BRD4: variants seen among roughly 807,000 people sequenced by gnomAD.
BRD4 encodes bromodomain-containing protein 4.
Under a neutral mutation model 142.1 loss-of-function variants are expected in BRD4, and 16 were observed. The ratio of observed to expected loss-of-function variants is 0.11; its 90% CI spans 0.08 to 0.17. BRD4 has a LOEUF of 0.17. Ranked by LOEUF, BRD4 falls within the 10% of genes least tolerant of loss-of-function variation. The pLI is 1.00. For missense variants in BRD4, 1,424 were observed against 1,810.9 expected (o/e 0.79, Z 3.88); for synonymous variants, 833 against 707.5 (o/e 1.18, Z -2.82).
chr19:15,267,345 C>G lies in BRD4; in HGVS notation c.559+71G>C. On this transcript the variant is annotated intron_variant, in intron 4 of 19. Transcript: ENST00000679869. ...GTCACATCCTCCTGCCACTCCCAGCCCCCCACCAAACTTGGAAAAGGGACA... is the reference window on the plus strand; with the variant it reads ...GTCACATCCTCCTGCCACTCCCAGCGCCCCACCAAACTTGGAAAAGGGACA... 3.2e-6 allele frequency: 5 copies of G among 1,570,184 alleles called. No individual in the cohort carries two copies. The South Asian group carries it at 5.8e-5, about 18-fold the overall frequency.
intron 1 of BRD4, among the ~76,000 whole-genome samples, chr19:15,303,734 T>C (rs367788916): frequency 1.8e-4 from 28 of 152,202 alleles, no homozygotes; most frequent in African/African-American, 6.8e-4. Flanking sequence ...GGGCACTGAA[T>C]ACAGAACCTA....
intron 11 of BRD4, chr19:15,249,070 G>T: frequency 1.4e-6 from 1 of 706,320 alleles, no homozygotes; most frequent in Non-Finnish European, 2.3e-6. Flanking sequence ...CTGGGCGGCT[G>T]GCCAGGCAGG....
At chr19:15,332,126 G>A (rs1386678127) in intron 1 of BRD4, among the ~76,000 whole-genome samples, 164 bp downstream of exon 1, 3 of 146,346 alleles carry the variant, frequency 2.0e-5, no homozygotes, top group African/African-American at 7.4e-5. Context: ...GAGGCCCGCA[G>A]GCCCGAGCCC....
rs2145499327 is a variant in BRD4, at chr19:15,239,033, C to A, written c.3782+26G>T. Reference sequence around the variant, plus strand: ...GGACTGGTGTGGCCCCAAGAGTCCCCATGCCCCACCCAGACACCCGCCCAC... The same window carrying A: ...GGACTGGTGTGGCCCCAAGAGTCCCAATGCCCCACCCAGACACCCGCCCAC... On this transcript the variant is annotated intron_variant, in intron 18 of 19. Coordinates refer to ENST00000679869, the MANE Select transcript of BRD4 (RefSeq NM_001379291.1). The surrounding 1 kb of genome is among the most constrained non-coding windows in gnomAD (Gnocchi z 7.4). The A allele has an allele frequency of 6.3e-7, 1 of 1,580,756 alleles. No homozygotes were observed. Among genetic ancestry groups the A allele is most frequent in the South Asian group, 1.1e-5 (1 of 88,358 alleles).
At chr19:15,250,535 A>G (rs1194420777) in intron 11 of BRD4, among the ~76,000 whole-genome samples, 1 of 152,232 alleles carries the variant, frequency 6.6e-6, no homozygotes, top group Non-Finnish European at 1.5e-5. Flanking sequence ...CACATGCTCC[A>G]ATCCTGGGAA....
At chr19:15,242,773 T>TC in intron 14 of BRD4, 127 bp downstream of exon 14, 2 of 1,435,454 alleles carry the variant, frequency 1.4e-6, no homozygotes, top group Non-Finnish European at 1.9e-6. Flanking sequence ...CAGGTCCCCC[T>TC]CCAAGCTGAG....
chr19:15,305,121 C>A (rs1019053803), intron 1 of BRD4, among the ~76,000 whole-genome samples: 1 of 150,456 alleles, frequency 6.6e-6, no homozygotes, highest in Admixed American at 6.7e-5. Flanking sequence ...TGGGTTCAAG[C>A]GATTCTCCCG....
intron 1 of BRD4, among the ~76,000 whole-genome samples, chr19:15,317,016 C>T (rs970673188): frequency 3.9e-5 from 6 of 152,208 alleles, no homozygotes; most frequent in Non-Finnish European, 8.8e-5. Flanking sequence ...GTGCTCACTA[C>T]GTATCATCCA....
intron 1 of BRD4, among the ~76,000 whole-genome samples, chr19:15,283,108 G>A (rs2047716901): frequency 6.6e-6 from 1 of 152,230 alleles, no homozygotes; most frequent in South Asian, 2.1e-4. Flanking sequence ...CTGGCAGTGA[G>A]CTGGGCACTT....
intron 1 of BRD4, among the ~76,000 whole-genome samples, chr19:15,301,279 G>A (rs1429678401): frequency 6.6e-6 from 1 of 152,190 alleles, no homozygotes; most frequent in African/African-American, 2.4e-5. Flanking sequence ...TCGTTGCTGA[G>A]GAGCCGGACA....
At chr19:15,314,421 G>A (rs1168623535) in intron 1 of BRD4, among the ~76,000 whole-genome samples, 2 of 152,132 alleles carry the variant, frequency 1.3e-5, no homozygotes, top group African/African-American at 4.8e-5. Context: ...CCAGATTAAA[G>A]CAAATTCACT....
chr19:15,290,004 G>A (rs1224398387), intron 1 of BRD4, among the ~76,000 whole-genome samples: 1 of 152,206 alleles, frequency 6.6e-6, no homozygotes, highest in South Asian at 2.1e-4. Flanking sequence ...TCTTGGAGAG[G>A]TTTGGTTTCA....
In BRD4 at chr19:15,265,626, C is replaced by A. The variant is rs202093296; in HGVS notation, c.577G>T (p.Val193Phe). ...TGAGTTGTGTTTGGTACCGTGGAAA[C>A]GCCAGGTTTTGCTGTCCCTACAAAT... Reference protein sequence around the residue: ...RKETGTAKPGVSTVPNTTQAS... With the variant: ...RKETGTAKPGFSTVPNTTQAS... The change falls in exon 5 of 20, where the codon GTT becomes TTT. Residue 193 changes from valine (V) to phenylalanine (F), a missense_variant. By Grantham distance (50) the Val-to-Phe change is conservative. Transcript: ENST00000679869. 2.5e-6 allele frequency: 4 copies of A among 1,613,940 alleles called. No homozygotes were observed. The African/African-American group carries it at 4.0e-5, about 16-fold the overall frequency.
intron 1 of BRD4, among the ~76,000 whole-genome samples, chr19:15,322,923 G>A (rs2048076379): frequency 1.3e-5 from 2 of 150,402 alleles, no homozygotes; most frequent in South Asian, 2.1e-4. Context: ...GGTGGTGGGC[G>A]CCTGTAGTCC....
intron 14 of BRD4, 132 bp downstream of exon 14, chr19:15,242,768 C>A: frequency 7.2e-7 from 1 of 1,384,686 alleles, no homozygotes; most frequent in Non-Finnish European, 9.8e-7. Flanking sequence ...CCTTCCAGGT[C>A]CCCCTCCAAG....
chr19:15,284,441 CA>C (rs1182402074), intron 1 of BRD4, among the ~76,000 whole-genome samples: 1 of 152,168 alleles, frequency 6.6e-6, no homozygotes, highest in African/African-American at 2.4e-5. Flanking sequence ...GACAGTGTCT[CA>C]AGTGCTGGAT....
rs957053769 is a variant in BRD4 at position 15,264,386 on chromosome 19, C to T, written c.1212+18G>A. On this transcript the variant is annotated intron_variant, in intron 6 of 19. Transcript: ENST00000679869. The stretch of plus-strand genomic sequence containing the variant: ...AGCCTGCCCACCTTGTCCCTTCCCT[C>T]AGGCACATCCCGCTAACCTTGATTG... 1 of 1,576,628 alleles carries T rather than the reference C, an allele frequency of 6.3e-7. No homozygotes were observed. Among genetic ancestry groups the T allele is most frequent in the African/African-American group, 1.3e-5 (1 of 74,384 alleles).
At chr19:15,245,055 A>ACGCCT in intron 11 of BRD4, 1 of 509,220 alleles carries the variant, frequency 2.0e-6, no homozygotes, top group Non-Finnish European at 3.5e-6. Flanking sequence ...AGCTTGCCCA[A>ACGCCT]CGCCTCCCAC....
chr19:15,299,511 G>C (rs754650127), intron 1 of BRD4, among the ~76,000 whole-genome samples: 2 of 152,184 alleles, frequency 1.3e-5, no homozygotes, highest in African/African-American at 4.8e-5. Context: ...AGACAGGTAA[G>C]GCCTGGGACA....
Sources: allele counts gnomAD v4.1 joint callset (sites outside exome capture counted in the v4.1 genomes callset), GRCh38; gene constraint gnomAD v4.1.1; non-coding constraint Gnocchi (gnomAD v3.1); transcripts MANE v1.5; gene names NCBI Gene and HGNC (gene_info 2026-07-23, HGNC 2026-07-21).